SPATA1: variants seen among roughly 807,000 people sequenced by gnomAD.
SPATA1 encodes the protein spermatogenesis-associated protein 1.
A neutral mutation model predicts 59.6 loss-of-function variants in SPATA1; 57 were observed. The ratio of observed to expected loss-of-function variants is 0.96; its 90% CI spans 0.77 to 1.19. The LOEUF is 1.19. Ranked by LOEUF, SPATA1 falls within the 50% of genes most tolerant of loss-of-function variation. The pLI is 0.00. For missense variants in SPATA1, 448 were observed against 480.7 expected, an observed-to-expected ratio of 0.93 and a Z score of 0.64; for synonymous variants, 147 against 163.9, an observed-to-expected ratio of 0.90 and a Z score of 0.79.
At chr1:84,565,418 G>T (rs746226801) in intron 4 of SPATA1, among the ~76,000 whole-genome samples, 1 of 152,022 alleles carries the variant, frequency 6.6e-6, no homozygotes, top group Non-Finnish European at 1.5e-5. Flanking sequence ...TGCAATGAAG[G>T]TGCCCAACCA....
At chr1:84,511,777 G>A (rs1682574047) in intron 1 of SPATA1, among the ~76,000 whole-genome samples, 1 of 149,316 alleles carries the variant, frequency 6.7e-6, no homozygotes, top group African/African-American at 2.5e-5. Context: ...TGCCTCCTGG[G>A]TTCAAGCAAG....
chr1:84,526,227 TTTTTGCCAGATGGGAGGAAAAGAAAACA>T (rs1161858799), intron 6 of SPATA1, 154 bp downstream of exon 6: 1 of 603,468 alleles, frequency 1.7e-6, no homozygotes, highest in African/African-American at 1.8e-5. Flanking sequence ...TAAAAAAATA[TTTTTGCCAGATGGGAGGAAAAGAAAACA>T]ATTTAAGTAC....
intron 9 of SPATA1, among the ~76,000 whole-genome samples, chr1:84,545,295 T>C (rs1176375716): frequency 6.6e-6 from 1 of 150,672 alleles, no homozygotes; most frequent in Non-Finnish European, 1.5e-5. Flanking sequence ...CTATGTACGA[T>C]TTAAGTACAA....
rs115213434 is a variant in SPATA1, at chr1:84,563,964, A to G, written n.443-1897A>G. The G allele has an allele frequency of 3.1e-4, 332 of 1,056,112 alleles. 3 individuals are homozygous for G. In the African/African-American group the frequency reaches 5.1e-3, roughly 16 times the overall value. 65.4% of individuals were successfully genotyped at this position (1,056,112 alleles called of 1,614,324 possible). A position where few individuals can be genotyped will look rare whatever the true frequency, so the allele number is the denominator to read the frequency against. On this transcript the variant is annotated intron_variant and non_coding_transcript_variant, in intron 4 of 4. Transcript: ENST00000460286. ...ATAAAAAACACTAATATTGTTTAAT[A>G]TGTTATAAAACATCCCTTAAGAACC...
rs1683559872 is a variant in SPATA1 at position 84,533,633 on chromosome 1, A to C, written c.660-76A>C. Reference sequence around the variant, plus strand: ...ATTTGTGTTTACAGAGCATCAAATAAAATACATAAAATATGAAAAGCTAAT... The same window carrying C: ...ATTTGTGTTTACAGAGCATCAAATACAATACATAAAATATGAAAAGCTAAT... On this transcript the variant is annotated intron_variant, in intron 7 of 12. Coordinates refer to ENST00000490879, the Ensembl canonical transcript of SPATA1. 2.6e-6 allele frequency: 3 copies of C among 1,176,070 alleles called. No homozygotes were observed. In the Admixed American group the frequency reaches 6.9e-5, roughly 27 times the overall value. 72.9% of individuals were successfully genotyped at this position (1,176,070 alleles called of 1,614,324 possible).
Position 84,532,689 on chromosome 1 carries a change from A to G in SPATA1, c.545-171A>G, listed in dbSNP as rs554499462. 2.0e-5 allele frequency among the ~76,000 whole-genome samples: 3 copies of G among 151,660 alleles called. No individual in the cohort carries two copies. The South Asian group carries it at 6.2e-4, about 31-fold the overall frequency. The stretch of plus-strand genomic sequence containing the variant: ...TAATTTTCTTTTCACATAAACAAAT[A>G]TTTCATGAAATTCACTTTGGAAACT... On this transcript the variant is annotated intron_variant, in intron 6 of 12. Transcript: ENST00000490879.
intron 8 of SPATA1, among the ~76,000 whole-genome samples, chr1:84,539,964 G>A (rs1683846324): frequency 6.6e-6 from 1 of 152,140 alleles, no homozygotes; most frequent in African/African-American, 2.4e-5. Flanking sequence ...GCATTATGAA[G>A]TGTCTTTCTT....
At chr1:84,522,357 TTTATA>T (rs1683060812) in intron 3 of SPATA1, 28 bp from the exon 4 acceptor site, 7 of 1,276,506 alleles carry the variant, frequency 5.5e-6, no homozygotes, top group Non-Finnish European at 6.3e-6. Flanking sequence ...TCTATTTCAT[TTTATA>T]TTATAAGGCA....
intron 1 of SPATA1, among the ~76,000 whole-genome samples, chr1:84,510,589 G>C (rs1682493668): frequency 1.3e-5 from 2 of 152,156 alleles, no homozygotes; most frequent in Admixed American, 6.5e-5. Context: ...CCACTATGGA[G>C]ACCAACTTGG....
chr1:84,552,132 T>C (rs1472545827), intron 12 of SPATA1: 2 of 152,116 alleles, frequency 1.3e-5, no homozygotes, highest in Non-Finnish European at 1.5e-5. Flanking sequence ...AGAAGTTTTA[T>C]TGATTTCTGA....
At chr1:84,563,811 A>C (rs1371248297) in intron 4 of SPATA1, 1 of 1,607,398 alleles carries the variant, frequency 6.2e-7, no homozygotes, top group Admixed American at 1.7e-5. Context: ...ATTAATGCTC[A>C]TCTTGATGTA....
intron 1 of SPATA1, among the ~76,000 whole-genome samples, chr1:84,511,256 G>T (rs1682531410): frequency 6.6e-6 from 1 of 152,040 alleles, no homozygotes; most frequent in South Asian, 2.1e-4. Flanking sequence ...AATATTTCAT[G>T]TACCCATAAA....
At chr1:84,558,846 A>G (rs1684528286), downstream of SPATA1, among the ~76,000 whole-genome samples, 1 of 152,064 alleles carries the variant, frequency 6.6e-6, no homozygotes, top group African/African-American at 2.4e-5. Context: ...GGCTGCAGTG[A>G]GCCATGATTG....
intron 11 of SPATA1, chr1:84,549,654 T>C (rs886170327): frequency 2.5e-4 from 38 of 152,184 alleles, no homozygotes; most frequent in African/African-American, 7.5e-4. Flanking sequence ...CACCATATAA[T>C]TAAATAACAG....
intron 8 of SPATA1, 125 bp from the exon 9 acceptor site, chr1:84,544,077 T>G (rs2101998020): frequency 1.6e-6 from 1 of 640,290 alleles, no homozygotes; most frequent in South Asian, 1.9e-5. Flanking sequence ...AATACAAAAT[T>G]TGGAGTTCAT....
At chr1:84,559,714 A>G (rs142200071) in intron 4 of SPATA1, among the ~76,000 whole-genome samples, 9 of 152,320 alleles carry the variant, frequency 5.9e-5, no homozygotes, top group African/African-American at 1.4e-4. Context: ...GAAAATAGTT[A>G]TAATTAGATT....
chr1:84,546,759 CT>C (rs34692599), intron 10 of SPATA1, among the ~76,000 whole-genome samples: 1 of 152,138 alleles, frequency 6.6e-6, no homozygotes, highest in Non-Finnish European at 1.5e-5. Flanking sequence ...TAGAAGCCTA[CT>C]TTGAGTCCCT....
At chr1:84,537,802 T>C (rs901348528) in intron 8 of SPATA1, among the ~76,000 whole-genome samples, 1 of 152,272 alleles carries the variant, frequency 6.6e-6, no homozygotes, top group African/African-American at 2.4e-5. Flanking sequence ...AGATAATAAG[T>C]GAAGTTTTAG....
At chr1:84,557,551 A>AG (rs1558623550), downstream of SPATA1, among the ~76,000 whole-genome samples, 105 of 122,632 alleles carry the variant, frequency 8.6e-4, no homozygotes, top group African/African-American at 3.7e-3. Flanking sequence ...AAAAAAAAAA[A>AG]AAGAAAAAAA....
Sources: allele counts gnomAD v4.1 joint callset (sites outside exome capture counted in the v4.1 genomes callset), GRCh38; gene constraint gnomAD v4.1.1; transcripts MANE v1.5; gene names NCBI Gene and HGNC (gene_info 2026-07-23, HGNC 2026-07-21).